WWOX: variants seen among roughly 807,000 people sequenced by gnomAD.
WWOX encodes WW domain-containing oxidoreductase.
Under a neutral mutation model 46.2 loss-of-function variants are expected in WWOX, and 69 were observed. That is an observed-to-expected ratio of 1.49 (90% CI 1.23 to 1.82). WWOX has a LOEUF of 1.82. Among genes scored for constraint, WWOX ranks in the 40% most tolerant of loss-of-function variants. The pLI, the probability that WWOX is intolerant of heterozygous loss-of-function variation, is 0.00. For missense variants in WWOX, 919 were observed against 542.6 expected, an observed-to-expected ratio of 1.69 and a Z score of -6.89; for synonymous variants, 359 against 202.6, an observed-to-expected ratio of 1.77 and a Z score of -6.56.
At chr16:78,798,551 G>A (rs988751281) in intron 8 of WWOX, among the ~76,000 whole-genome samples, 1 of 149,390 alleles carries the variant, frequency 6.7e-6, no homozygotes, top group African/African-American at 2.5e-5. Context: ...GCTTAGCTAT[G>A]CAATATATTC....
intron 6 of WWOX, among the ~76,000 whole-genome samples, chr16:78,409,316 A>G (rs967558400): frequency 6.6e-6 from 1 of 152,210 alleles, no homozygotes; most frequent in Non-Finnish European, 1.5e-5. Context: ...CACTGTCAAG[A>G]TACAGAACAG....
chr16:78,558,516 G>A (rs2044359488), intron 8 of WWOX, among the ~76,000 whole-genome samples: 1 of 152,216 alleles, frequency 6.6e-6, no homozygotes, highest in Non-Finnish European at 1.5e-5. Context: ...TCTTTAGCTG[G>A]GGCATGTGCC....
At position 78,586,178 on chromosome 16, in the gene WWOX, G is replaced by A. The variant is rs146473087; in HGVS notation, c.1056+153426G>A. ...TCAAGACTAGCCTGGGCAACATAGCGAGACCCTGTTTCTTAAGAAAAAAGA... is the reference window on the plus strand; with the variant it reads ...TCAAGACTAGCCTGGGCAACATAGCAAGACCCTGTTTCTTAAGAAAAAAGA... On this transcript the variant is annotated intron_variant, in intron 8 of 8. Transcript: ENST00000566780. 3.8e-4 allele frequency among the ~76,000 whole-genome samples: 58 copies of A among 152,194 alleles called. No homozygotes were observed. The East Asian group carries it at 8.1e-3, about 21-fold the overall frequency.
rs879737535 is a variant in WWOX, at chr16:78,774,495, T to TG, written c.1056+341743_1056+341744insG. Among the ~76,000 whole-genome samples, 495 of 90,894 alleles carry TG rather than the reference T, an allele frequency of 5.4e-3. 5 individuals are homozygous for TG. The highest frequency in any genetic ancestry group is 0.03 in the South Asian group (80 of 2,662). The allele number at this position is 90,894 out of a possible 152,430, so 59.6% of individuals were successfully genotyped here. On this transcript the variant is annotated intron_variant, in intron 8 of 8. Transcript: ENST00000566780. ...TCGGGCAGTTTCTTGACAGACCCAT[T>TG]TTGTGTGTGTGTGTGTGTGTGTGTG... is the stretch of plus-strand genomic sequence containing the variant.
At chr16:78,902,535 C>G (rs886922181) in intron 8 of WWOX, among the ~76,000 whole-genome samples, 2 of 152,226 alleles carry the variant, frequency 1.3e-5, no homozygotes, top group African/African-American at 4.8e-5. Context: ...AGGCCTTCCC[C>G]CGTGACTGCT....
At chr16:78,763,688 C>G (rs2049850632) in intron 8 of WWOX, among the ~76,000 whole-genome samples, 1 of 152,230 alleles carries the variant, frequency 6.6e-6, no homozygotes, top group South Asian at 2.1e-4. Flanking sequence ...TCATTAAATA[C>G]TTGTTCCACG....
chr16:78,483,422 ATTT>A (rs367626448), intron 8 of WWOX, among the ~76,000 whole-genome samples: 352 of 133,912 alleles, frequency 2.6e-3, no homozygotes, highest in African/African-American at 9.2e-3. Context: ...TCTGCGTAGA[ATTT>A]TTTTTTTTTT....
intron 5 of WWOX, among the ~76,000 whole-genome samples, chr16:78,214,486 A>G (rs915675034): frequency 1.3e-5 from 2 of 152,126 alleles, no homozygotes; most frequent in Non-Finnish European, 2.9e-5. Flanking sequence ...CACCCCTGTC[A>G]TCCTCCAAGT....
intron 8 of WWOX, among the ~76,000 whole-genome samples, chr16:78,530,850 G>A (rs749479464): frequency 2.0e-5 from 3 of 152,156 alleles, no homozygotes; most frequent in Admixed American, 6.5e-5. Flanking sequence ...CATTGATTGA[G>A]TGTGGATAAT....
At chr16:78,578,606 C>CA (rs2044966932) in intron 8 of WWOX, among the ~76,000 whole-genome samples, 3 of 151,974 alleles carry the variant, frequency 2.0e-5, no homozygotes, top group Admixed American at 2.0e-4. Flanking sequence ...ATATTATACA[C>CA]ACAAACATAC....
chr16:79,212,238 G>GCA lies in WWOX; in HGVS notation c.*443_*444dup. Reference sequence around the variant, plus strand: ...AAGCAAGTGTTCACTGCTCCTTGCTGCATTGATCCAGGAGATAATTGTTTC... The same window carrying GCA: ...AAGCAAGTGTTCACTGCTCCTTGCTGCACATTGATCCAGGAGATAATTGTTTC... On this transcript the variant is annotated 3_prime_UTR_variant, in exon 9 of 9. Coordinates refer to ENST00000566780, the MANE Select transcript of WWOX (RefSeq NM_016373.4). 1 of 1,354,408 alleles carries GCA rather than the reference G, an allele frequency of 7.4e-7. No individual in the cohort carries two copies. The highest frequency in any genetic ancestry group is 9.7e-7 in the Non-Finnish European group (1 of 1,026,078). 83.9% of individuals were successfully genotyped at this position (1,354,408 alleles called of 1,614,324 possible).
intron 8 of WWOX, among the ~76,000 whole-genome samples, chr16:78,903,004 G>A (rs539213581): frequency 1.3e-5 from 2 of 152,288 alleles, no homozygotes; most frequent in South Asian, 4.2e-4. Flanking sequence ...CGGGTTCTTG[G>A]CATTTTGAAG....
chr16:78,255,061 T>TCCTG (rs2038091270), intron 5 of WWOX, among the ~76,000 whole-genome samples: 1 of 152,214 alleles, frequency 6.6e-6, no homozygotes, highest in African/African-American at 2.4e-5. Context: ...ACCCATGGCT[T>TCCTG]CCCCTTTCAT....
chr16:78,678,572 T>A (rs1354737866), intron 8 of WWOX, among the ~76,000 whole-genome samples: 1 of 152,102 alleles, frequency 6.6e-6, no homozygotes, highest in Non-Finnish European at 1.5e-5. Flanking sequence ...TGCCAAGATG[T>A]GATAATTGTA....
At chr16:78,725,272 ACTT>A (rs770383196) in intron 8 of WWOX, among the ~76,000 whole-genome samples, 2 of 149,208 alleles carry the variant, frequency 1.3e-5, no homozygotes, top group Non-Finnish European at 3.0e-5. Context: ...AGTCCATTCA[ACTT>A]CTTTTTCTTT....
chr16:79,165,839 A>T (rs1188089882), intron 8 of WWOX, among the ~76,000 whole-genome samples: 3 of 152,206 alleles, frequency 2.0e-5, no homozygotes, highest in Non-Finnish European at 4.4e-5. Context: ...CGGTCGCCGA[A>T]CCGGGAACAG....
At chr16:78,943,140 T>A (rs183078826) in intron 8 of WWOX, among the ~76,000 whole-genome samples, 336 of 152,328 alleles carry the variant, frequency 2.2e-3, no homozygotes, top group Non-Finnish European at 3.9e-3. Context: ...CAACACATGG[T>A]GGGTTCTTAA....
chr16:78,928,492 G>A (rs2045551642), intron 8 of WWOX, among the ~76,000 whole-genome samples: 1 of 152,086 alleles, frequency 6.6e-6, no homozygotes, highest in South Asian at 2.1e-4. Flanking sequence ...GTGAGCCACC[G>A]CGCCCGGCCC....
chr16:78,193,480 C>A (rs985557296), intron 5 of WWOX, among the ~76,000 whole-genome samples: 1 of 28,338 alleles, frequency 3.5e-5, no homozygotes, highest in African/African-American at 2.5e-4. Flanking sequence ...GAGAATCAAA[C>A]CGGTGGTCTT....
Sources: gnomAD v4.1 joint callset for allele counts (sites outside exome capture counted in the v4.1 genomes callset) on GRCh38, gnomAD v4.1.1 for gene constraint, MANE v1.5 for transcripts, NCBI Gene and HGNC (gene_info 2026-07-23, HGNC 2026-07-21) for gene names.